USP48: variants seen among roughly 807,000 people sequenced by gnomAD.
USP48 encodes the protein ubiquitin carboxyl-terminal hydrolase 48.
Under a neutral mutation model 150.7 loss-of-function variants are expected in USP48, and 43 were observed. The ratio of observed to expected loss-of-function variants is 0.29; its 90% CI spans 0.22 to 0.37. The LOEUF (loss-of-function observed/expected upper bound fraction) is 0.37, where lower values mean the gene tolerates loss of function less well. Among genes scored for constraint, USP48 ranks in the 10% least tolerant of loss-of-function variants. USP48 has a pLI of 1.00. For missense variants in USP48, 813 were observed against 1,249.6 expected (o/e 0.65, Z 5.27); for synonymous variants, 396 against 425.9 (o/e 0.93, Z 0.86).
At chr1:21,704,160 C>A in intron 20 of USP48, 102 bp downstream of exon 20, 1 of 1,374,632 alleles carries the variant, frequency 7.3e-7, no homozygotes, top group Non-Finnish European at 9.8e-7. Context: ...GAGTTGGGAC[C>A]GCCGCATGAT....
At chr1:21,729,273 C>T (rs2097749668) in intron 10 of USP48, among the ~76,000 whole-genome samples, 1 of 146,912 alleles carries the variant, frequency 6.8e-6, no homozygotes, top group Admixed American at 6.7e-5. Flanking sequence ...AAGAATGAGA[C>T]TCCGCCTCAA....
intron 1 of USP48, among the ~76,000 whole-genome samples, chr1:21,771,085 C>T (rs947574384): frequency 1.3e-5 from 2 of 152,084 alleles, no homozygotes; most frequent in African/African-American, 4.8e-5. Flanking sequence ...AAGATCGTGG[C>T]ACTGCACTCC....
chr1:21,724,355 T>A (rs2097730516), intron 11 of USP48: 1 of 594,406 alleles, frequency 1.7e-6, no homozygotes, highest in African/African-American at 1.9e-5. Flanking sequence ...TTAACCACAT[T>A]CTACAAGAGG....
chr1:21,742,056 T>A (rs1297293616), intron 8 of USP48, among the ~76,000 whole-genome samples: 1 of 152,172 alleles, frequency 6.6e-6, no homozygotes, highest in Non-Finnish European at 1.5e-5. Flanking sequence ...TAAGAATACA[T>A]GTTATAATTT....
chr1:21,778,601 TA>T (rs35911894), intron 1 of USP48, among the ~76,000 whole-genome samples: 21,325 of 88,166 alleles, frequency 0.24, 1,572 homozygotes, highest in Middle Eastern at 0.38. Context: ...ACCCTCATCT[TA>T]AAAAAAAAAA....
chr1:21,703,052 C>T (rs542195695), intron 21 of USP48, among the ~76,000 whole-genome samples: 1 of 152,354 alleles, frequency 6.6e-6, no homozygotes, highest in South Asian at 2.1e-4. Context: ...ACAGTGAGGG[C>T]TTGGGTAAAA....
In USP48 at chr1:21,691,281, T is replaced by C. The variant is rs868744419; in HGVS notation, c.2884-1182A>G. Among the ~76,000 whole-genome samples, 12 of 131,152 alleles carry C rather than the reference T, an allele frequency of 9.1e-5. 1 individual carries two copies. The highest frequency in any genetic ancestry group is 7.1e-4 in the South Asian group (3 of 4,234). The allele number at this position is 131,152 out of a possible 152,430, so 86.0% of individuals were successfully genotyped here. A position where few individuals can be genotyped will look rare whatever the true frequency, so the allele number is the denominator to read the frequency against. ...GTGAGCTGAGACCACGCCATTGCAC[T>C]CCAGCCTATACAACAAGAGCGAAAC... is the stretch of plus-strand genomic sequence containing the variant. On this transcript the variant is annotated intron_variant, in intron 23 of 26. Coordinates refer to ENST00000308271, the MANE Select transcript of USP48 (RefSeq NM_032236.8).
At chr1:21,732,260 C>G (rs979802593) in intron 9 of USP48, among the ~76,000 whole-genome samples, 1 of 105,514 alleles carries the variant, frequency 9.5e-6, no homozygotes, top group African/African-American at 2.6e-5. Context: ...GCCTGGGCGA[C>G]ACAGTGAGAC....
intron 22 of USP48, 117 bp downstream of exon 22, chr1:21,701,381 A>AAAT: frequency 1.4e-6 from 1 of 709,588 alleles, no homozygotes; most frequent in Non-Finnish European, 2.2e-6. Flanking sequence ...AAAAAAAAAA[A>AAAT]GAAAAAAAAA....
Position 21,725,081 on chromosome 1 carries a change from C to T in USP48, c.1451-986G>A, listed in dbSNP as rs1453585370. On this transcript the variant is annotated intron_variant, in intron 11 of 26. Coordinates refer to ENST00000308271, the MANE Select transcript of USP48 (RefSeq NM_032236.8). ...CCCAGAGAGTTACATGTCTAGAAAA[C>T]TAACTCCCATTTTAATTTTACAGTA... is the stretch of plus-strand genomic sequence containing the variant. 3 of 152,066 alleles carry T rather than the reference C, an allele frequency of 2.0e-5. No individual in the cohort carries two copies. The East Asian group carries it at 5.8e-4, about 29-fold the overall frequency. The allele number at this position is 152,066 out of a possible 1,614,324, so 9.4% of individuals were successfully genotyped here.
intron 1 of USP48, among the ~76,000 whole-genome samples, chr1:21,775,049 T>G (rs2152650504): frequency 6.6e-6 from 1 of 152,058 alleles, no homozygotes; most frequent in East Asian, 1.9e-4. Flanking sequence ...CAGCTCTACA[T>G]GCATGAATAG....
intron 2 of USP48, chr1:21,756,977 A>G: frequency 1.0e-6 from 1 of 985,396 alleles, no homozygotes; most frequent in Non-Finnish European, 1.2e-6. Context: ...AAATTAGAAC[A>G]GTGGATTCTA....
At chr1:21,782,764 C>G (rs1367581537) in intron 1 of USP48, 60 bp downstream of exon 1, 5 of 1,481,182 alleles carry the variant, frequency 3.4e-6, no homozygotes, top group Non-Finnish European at 3.6e-6. Flanking sequence ...TCCCCTACCC[C>G]GCCCGGGCTT....
chr1:21,740,094 A>G (rs1288288915), intron 8 of USP48, among the ~76,000 whole-genome samples: 1 of 152,216 alleles, frequency 6.6e-6, no homozygotes, highest in Non-Finnish European at 1.5e-5. Flanking sequence ...TATTTTTAGT[A>G]GAGACGGCGT....
intron 3 of USP48, among the ~76,000 whole-genome samples, 158 bp from the exon 4 acceptor site, chr1:21,753,277 C>T (rs959580591): frequency 2.0e-5 from 3 of 152,148 alleles, no homozygotes; most frequent in Non-Finnish European, 4.4e-5. Flanking sequence ...ATAGGCTGAG[C>T]ACGGTGGCTC....
At chr1:21,756,163 T>TAAA (rs1437336117) in intron 3 of USP48, among the ~76,000 whole-genome samples, 24 of 144,940 alleles carry the variant, frequency 1.7e-4, no homozygotes, top group Middle Eastern at 3.8e-3. Flanking sequence ...GAAACTGTCT[T>TAAA]AAAAAAATAA....
At chr1:21,704,600 T>A in intron 19 of USP48, 1 of 467,890 alleles carries the variant, frequency 2.1e-6, no homozygotes, top group Non-Finnish European at 3.6e-6. Context: ...TGAAATTACA[T>A]GAATCAACAT....
At chr1:21,715,350 A>G in intron 15 of USP48, 39 bp downstream of exon 15, 1 of 1,500,588 alleles carries the variant, frequency 6.7e-7, no homozygotes, top group East Asian at 2.3e-5. Context: ...AGTAAAAAAA[A>G]GGACAATAAA....
At chr1:21,710,088 C>T (rs1287738017) in intron 15 of USP48, among the ~76,000 whole-genome samples, 3 of 152,054 alleles carry the variant, frequency 2.0e-5, no homozygotes, top group Non-Finnish European at 2.9e-5. Flanking sequence ...TTGCTCTTTT[C>T]ACTGGGACAC....
Sources: gnomAD v4.1 joint callset for allele counts (sites outside exome capture counted in the v4.1 genomes callset) on GRCh38, gnomAD v4.1.1 for gene constraint, MANE v1.5 for transcripts, NCBI Gene and HGNC (gene_info 2026-07-23, HGNC 2026-07-21) for gene names.